The following EML4 variants were observed in gnomAD, a reference collection of about 807,000 sequenced individuals.
EML4 encodes the protein EMAP like 4, also known as echinoderm microtubule-associated protein-like 4.
Under a neutral mutation model 129.0 loss-of-function variants are expected in EML4, and 72 were observed. The ratio of observed to expected loss-of-function variants is 0.56; its 90% CI spans 0.46 to 0.68. The LOEUF is 0.68. EML4 is among the 30% of genes least tolerant of loss of function. The pLI is 0.00. For synonymous variants in EML4, 532 were observed against 405.0 expected (o/e 1.31, Z -3.77); for missense variants, 1,363 against 1,190.6 (o/e 1.14, Z -2.13).
chr2:42,292,560 G>C (rs757425504), intron 11 of EML4, among the ~76,000 whole-genome samples: 4 of 152,166 alleles, frequency 2.6e-5, no homozygotes, highest in Non-Finnish European at 4.4e-5. Context: ...ATGAAACGGA[G>C]AAAAATAATC....
At chr2:42,278,658 G>A (rs182500166) in intron 6 of EML4, among the ~76,000 whole-genome samples, 1 of 151,214 alleles carries the variant, frequency 6.6e-6, no homozygotes, top group Admixed American at 6.6e-5. Flanking sequence ...TATTGCCCAG[G>A]CATGGTGGTT....
At chr2:42,192,277 C>A (rs1158647561) in intron 1 of EML4, among the ~76,000 whole-genome samples, 2 of 144,432 alleles carry the variant, frequency 1.4e-5, no homozygotes, top group Non-Finnish European at 3.0e-5. Flanking sequence ...TCCTCTGTTG[C>A]CCGTGCTGGA....
chr2:42,325,356 C>T (rs1289532287), intron 19 of EML4, 111 bp from the exon 20 acceptor site: 17 of 604,242 alleles, frequency 2.8e-5, no homozygotes, highest in Admixed American at 2.5e-4. Flanking sequence ...TGCTTCCTCT[C>T]CTTTAGAAAT....
At chr2:42,266,427 C>T (rs1228872733) in intron 6 of EML4, among the ~76,000 whole-genome samples, 1 of 152,176 alleles carries the variant, frequency 6.6e-6, no homozygotes, top group Admixed American at 6.6e-5. Flanking sequence ...TCACTGCAGC[C>T]TTGGCCTCCT....
At chr2:42,186,673 A>G (rs1174462922) in intron 1 of EML4, among the ~76,000 whole-genome samples, 1 of 152,190 alleles carries the variant, frequency 6.6e-6, no homozygotes, top group Non-Finnish European at 1.5e-5. Context: ...TTCATTATCA[A>G]ATGCATTCTC....
intron 5 of EML4, 139 bp from the exon 6 acceptor site, chr2:42,264,567 C>T: frequency 1.6e-6 from 1 of 625,632 alleles, no homozygotes; most frequent in Non-Finnish European, 2.9e-6. Flanking sequence ...TTAAAAAATG[C>T]TGATTTCTTA....
Position 42,317,424 on chromosome 2 carries a change from T to C in EML4, c.2057-3T>C. The stretch of plus-strand genomic sequence containing the variant: ...TAGTCAACACTGACCTATTTTATTC[T>C]AGATGGTACCTTCCTGGCTGTAGGA... On this transcript the variant is annotated splice_polypyrimidine_tract_variant and splice_region_variant and intron_variant, in intron 18 of 22. Coordinates refer to ENST00000318522, the MANE Select transcript of EML4 (RefSeq NM_019063.5). 6.3e-7 allele frequency: 1 copy of C among 1,592,886 alleles called. No individual in the cohort carries two copies. The highest frequency in any genetic ancestry group is 1.3e-5 in the African/African-American group (1 of 74,408).
At chr2:42,255,824 C>T (rs1404304175) in intron 2 of EML4, among the ~76,000 whole-genome samples, 2 of 152,190 alleles carry the variant, frequency 1.3e-5, no homozygotes, top group African/African-American at 2.4e-5. Context: ...TGTTATACCA[C>T]CATGTGTGGA....
chr2:42,193,611 C>T (rs570998583), intron 1 of EML4, among the ~76,000 whole-genome samples: 1 of 151,864 alleles, frequency 6.6e-6, no homozygotes, highest in East Asian at 1.9e-4. Flanking sequence ...CTTAAAGGGA[C>T]ATTGTTGATA....
intron 19 of EML4, among the ~76,000 whole-genome samples, chr2:42,323,026 A>G (rs73933524): frequency 0.26 from 35,998 of 140,082 alleles, 6,936 homozygotes; most frequent in African/African-American, 0.54. Context: ...TCCAACATAG[A>G]TGTTTTTGCA....
chr2:42,303,777 T>G (rs192863534), intron 16 of EML4, among the ~76,000 whole-genome samples: 1 of 151,948 alleles, frequency 6.6e-6, no homozygotes, highest in Non-Finnish European at 1.5e-5. Context: ...TACAAAAAAT[T>G]AGCCAGGCGT....
chr2:42,201,634 C>T (rs148847277), intron 1 of EML4, among the ~76,000 whole-genome samples: 22 of 152,038 alleles, frequency 1.4e-4, no homozygotes, highest in African/African-American at 2.9e-4. Context: ...ATAAGAAAAA[C>T]GTACTCAGCC....
intron 6 of EML4, among the ~76,000 whole-genome samples, chr2:42,267,136 A>C (rs926283140): frequency 5.9e-5 from 9 of 152,198 alleles, no homozygotes; most frequent in Non-Finnish European, 1.2e-4. Flanking sequence ...TCTGTAACTG[A>C]GATAATAATA....
chr2:42,175,538 G>A (rs149531247), intron 1 of EML4, among the ~76,000 whole-genome samples: 2,237 of 151,314 alleles, frequency 0.015, 29 homozygotes, highest in Non-Finnish European at 0.025. Context: ...AGTTTCTGTC[G>A]CCCAGGCTGG....
intron 1 of EML4, among the ~76,000 whole-genome samples, chr2:42,179,125 C>G (rs1406249990): frequency 6.6e-6 from 1 of 152,140 alleles, no homozygotes; most frequent in Non-Finnish European, 1.5e-5. Flanking sequence ...ATTTGTGTGT[C>G]TCTGCATGTG....
chr2:42,233,639 G>A (rs1223106998), intron 1 of EML4, among the ~76,000 whole-genome samples: 1 of 152,098 alleles, frequency 6.6e-6, no homozygotes, highest in Admixed American at 6.5e-5. Flanking sequence ...TAGTACTGCA[G>A]TTAATATTTT....
At chr2:42,244,341 CCCT>C (rs749935154) in intron 1 of EML4, among the ~76,000 whole-genome samples, 2 of 152,082 alleles carry the variant, frequency 1.3e-5, no homozygotes, top group Non-Finnish European at 2.9e-5. Context: ...TCATGATCTG[CCCT>C]CCTCAGCCTC....
intron 2 of EML4, among the ~76,000 whole-genome samples, chr2:42,247,691 A>G (rs1675502124): frequency 6.6e-6 from 1 of 152,090 alleles, no homozygotes; most frequent in African/African-American, 2.4e-5. Context: ...TTATTTATTT[A>G]GAGAGTCAAC....
rs566970693 is a variant in EML4 at position 42,170,982 on chromosome 2, G to GA, written c.25+1352dup. Among the ~76,000 whole-genome samples the GA allele has an allele frequency of 5.3e-5, 8 of 152,288 alleles. No individual in the cohort carries two copies. In the South Asian group the frequency reaches 1.4e-3, roughly 28 times the overall value. ...TTTGGCCTTCCCTTTTTCTTGGGCA[G>GA]AAAAAATTGTCGTTATATTGCTTTC... On this transcript the variant is annotated intron_variant, in intron 1 of 22. Transcript: ENST00000318522.
Sources: allele counts gnomAD v4.1 joint callset (sites outside exome capture counted in the v4.1 genomes callset), GRCh38; gene constraint gnomAD v4.1.1; transcripts MANE v1.5; gene names NCBI Gene and HGNC (gene_info 2026-07-23, HGNC 2026-07-21).